LPP: variants seen among roughly 807,000 people sequenced by gnomAD.
LPP encodes the protein lipoma-preferred partner.
In LPP, 38 loss-of-function variants were observed where a neutral mutation model predicts 60.4. The ratio of observed to expected loss-of-function variants is 0.63; its 90% CI spans 0.49 to 0.83. LPP has a LOEUF of 0.83. Ranked by LOEUF, LPP falls within the 40% of genes least tolerant of loss-of-function variation. The probability of loss-of-function intolerance (pLI) is 0.00; values close to 1 mark genes in which losing one functional copy is unlikely to be tolerated. For missense variants in LPP, 902 were observed against 783.6 expected, an observed-to-expected ratio of 1.15 and a Z score of -1.80; for synonymous variants, 328 against 290.8, an observed-to-expected ratio of 1.13 and a Z score of -1.30.
intron 5 of LPP, among the ~76,000 whole-genome samples, chr3:188,507,008 AG>A (rs1410347086): frequency 3.3e-5 from 5 of 152,216 alleles, no homozygotes; most frequent in African/African-American, 1.2e-4. Context: ...TGTGTTAGTC[AG>A]GATGGTCTTG....
chr3:188,708,992 CT>C, intron 8 of LPP: 1 of 152,228 alleles, frequency 6.6e-6, no homozygotes, highest in Middle Eastern at 3.4e-3. Context: ...TCTCACTGGT[CT>C]AAAGATTCAA....
Position 188,676,196 on chromosome 3 carries a change from A to G in LPP, c.1114-32071A>G, listed in dbSNP as rs75294473. Among the ~76,000 whole-genome samples, 922 of 152,328 alleles carry G rather than the reference A, an allele frequency of 6.1e-3. 2 individuals carry two copies. The highest frequency in any genetic ancestry group is 0.02 in the Middle Eastern group (6 of 294). On this transcript the variant is annotated intron_variant, in intron 7 of 11. Transcript: ENST00000617246. ...TCTTGAAGATTAGATTTGTGTATTC[A>G]TGGAATAATCTAGACAAAATCCTGC...
intron 4 of LPP, among the ~76,000 whole-genome samples, chr3:188,411,828 C>T (rs1784954170): frequency 6.6e-6 from 1 of 152,104 alleles, no homozygotes; most frequent in Admixed American, 6.6e-5. Flanking sequence ...AATGAACTTT[C>T]CTACTGTACT....
At chr3:188,338,183 A>C (rs776125344) in intron 2 of LPP, among the ~76,000 whole-genome samples, 29 of 152,256 alleles carry the variant, frequency 1.9e-4, no homozygotes, top group Admixed American at 1.3e-4. Flanking sequence ...AGAGGGAAGC[A>C]ATTAAATCCT....
intron 4 of LPP, among the ~76,000 whole-genome samples, 186 bp downstream of exon 4, chr3:188,406,499 CT>C (rs1389009122): frequency 6.6e-6 from 1 of 152,198 alleles, no homozygotes; most frequent in East Asian, 1.9e-4. Context: ...AGGAAAAAGA[CT>C]TTTTATGGGT....
At position 188,659,941 on chromosome 3, in the gene LPP, A is replaced by G. The variant is rs1055945121; in HGVS notation, c.1114-48326A>G. Reference sequence around the variant, plus strand: ...CTCCTCATTCTTTGTCTCTCATCCAAATGGTTTTCACTTTATGTGTAACAG... The same window carrying G: ...CTCCTCATTCTTTGTCTCTCATCCAGATGGTTTTCACTTTATGTGTAACAG... On this transcript the variant is annotated intron_variant, in intron 7 of 11. Coordinates refer to ENST00000617246, the MANE Select transcript of LPP (RefSeq NM_001375462.1). 2.0e-5 allele frequency among the ~76,000 whole-genome samples: 3 copies of G among 151,742 alleles called. No individual in the cohort carries two copies. The East Asian group carries it at 5.9e-4, about 30-fold the overall frequency.
intron 3 of LPP, among the ~76,000 whole-genome samples, chr3:188,395,796 C>G (rs892639626): frequency 6.6e-6 from 1 of 151,916 alleles, no homozygotes. Flanking sequence ...CCTATAGTCC[C>G]GACTACTTTG....
intron 3 of LPP, among the ~76,000 whole-genome samples, chr3:188,401,281 T>G (rs968987729): frequency 1.3e-5 from 2 of 152,212 alleles, no homozygotes; most frequent in Non-Finnish European, 2.9e-5. Flanking sequence ...AGAACTCATG[T>G]TATCTTTTAA....
chr3:188,409,426 A>G (rs1784400632), intron 4 of LPP, among the ~76,000 whole-genome samples: 2 of 152,210 alleles, frequency 1.3e-5, no homozygotes, highest in Admixed American at 1.3e-4. Context: ...GTATCCATGT[A>G]TTTGTTGGAA....
chr3:188,153,420 AG>A (rs1715098082), upstream of LPP: 2 of 152,316 alleles, frequency 1.3e-5, no homozygotes, highest in Non-Finnish European at 2.9e-5. Context: ...AAATCTTGGA[AG>A]GGGATTTCAT....
intron 5 of LPP, among the ~76,000 whole-genome samples, chr3:188,509,244 T>C (rs1814484414): frequency 6.6e-6 from 1 of 152,200 alleles, no homozygotes; most frequent in South Asian, 2.1e-4. Flanking sequence ...TGCAGAAGAC[T>C]TACCGTATGC....
chr3:188,572,767 C>T lies in LPP; in HGVS notation c.430-36394C>T, dbSNP rs1200681504. Among the ~76,000 whole-genome samples, 2 of 152,186 alleles carry T rather than the reference C, an allele frequency of 1.3e-5. No individual in the cohort carries two copies. Among genetic ancestry groups the T allele is most frequent in the African/African-American group, 4.8e-5 (2 of 41,532 alleles). Reference sequence around the variant, plus strand: ...CTGTAGTAACAAATACTTACCAAATCTCGGTACTGAAAACAAGGGTTTATT... The same window carrying T: ...CTGTAGTAACAAATACTTACCAAATTTCGGTACTGAAAACAAGGGTTTATT... On this transcript the variant is annotated intron_variant, in intron 6 of 11. Transcript: ENST00000617246. The surrounding 1 kb of genome is among the most constrained non-coding windows in gnomAD (Gnocchi z 4.1).
intron 6 of LPP, among the ~76,000 whole-genome samples, chr3:188,558,965 G>C (rs149785851): frequency 4.6e-5 from 7 of 152,160 alleles, no homozygotes; most frequent in African/African-American, 1.4e-4. Context: ...TGACTTTTTT[G>C]TATCAAATAG....
intron 1 of LPP, among the ~76,000 whole-genome samples, chr3:188,214,020 C>T (rs770002554): frequency 5.4e-4 from 70 of 130,298 alleles, no homozygotes; most frequent in Middle Eastern, 4.3e-3. Context: ...CCTACCAAAG[C>T]AGGATAGAGA....
At chr3:188,195,898 G>A (rs1476151613) in intron 1 of LPP, among the ~76,000 whole-genome samples, 2 of 152,076 alleles carry the variant, frequency 1.3e-5, no homozygotes, top group Admixed American at 6.5e-5. Context: ...AGATTTATAC[G>A]GACATGCTTT....
chr3:188,708,188 A>C, intron 7 of LPP, 79 bp from the exon 8 acceptor site: 1 of 1,536,004 alleles, frequency 6.5e-7, no homozygotes, highest in East Asian at 2.3e-5. Context: ...CTCCAGTGCA[A>C]TCGCTGCTTG....
At position 188,232,211 on chromosome 3, in the gene LPP, C is replaced by G. The variant is rs545281389; in HGVS notation, c.-67+6684C>G. On this transcript the variant is annotated intron_variant, in intron 2 of 11. Coordinates refer to ENST00000617246, the MANE Select transcript of LPP (RefSeq NM_001375462.1). The stretch of plus-strand genomic sequence containing the variant: ...GAAATTGGAGCCTTAAAATTATGGT[C>G]AAGCTTATTAGTGACTTTACAGCCA... Among the ~76,000 whole-genome samples the G allele has an allele frequency of 2.0e-5, 3 of 152,334 alleles. No individual in the cohort carries two copies. In the South Asian group the frequency reaches 6.2e-4, roughly 32 times the overall value.
intron 3 of LPP, among the ~76,000 whole-genome samples, chr3:188,404,585 G>A (rs992693502): frequency 2.0e-5 from 3 of 152,058 alleles, no homozygotes; most frequent in East Asian, 1.9e-4. Context: ...CTCTAGAGGC[G>A]ATGCCGTTCA....
chr3:188,845,302 G>A (rs1251186385), intron 9 of LPP, among the ~76,000 whole-genome samples: 1 of 152,212 alleles, frequency 6.6e-6, no homozygotes, highest in Non-Finnish European at 1.5e-5. Flanking sequence ...AGATTCTGCG[G>A]TCAAGGCTCA....
Sources: allele counts gnomAD v4.1 joint callset (sites outside exome capture counted in the v4.1 genomes callset), GRCh38; gene constraint gnomAD v4.1.1; non-coding constraint Gnocchi (gnomAD v3.1); transcripts MANE v1.5; gene names NCBI Gene and HGNC (gene_info 2026-07-23, HGNC 2026-07-21).